The following CCDC171 variants were observed in gnomAD, a reference collection of about 807,000 sequenced individuals.
CCDC171 encodes coiled-coil domain-containing protein 171.
CCDC171 carries 177 observed loss-of-function variants against 168.2 expected under a neutral mutation model. The ratio of observed to expected loss-of-function variants is 1.05; its 90% CI spans 0.93 to 1.19. The LOEUF is 1.19. Among genes scored for constraint, CCDC171 ranks in the 50% most tolerant of loss-of-function variants. The probability of loss-of-function intolerance (pLI) is 0.00; values close to 1 mark genes in which losing one functional copy is unlikely to be tolerated. For synonymous variants in CCDC171, 687 were observed against 540.8 expected, an observed-to-expected ratio of 1.27 and a Z score of -3.75; for missense variants, 1,991 against 1,539.0, an observed-to-expected ratio of 1.29 and a Z score of -4.91.
chr9:15,956,310 G>A (rs553154818), intron 25 of CCDC171, among the ~76,000 whole-genome samples: 49 of 152,230 alleles, frequency 3.2e-4, no homozygotes, highest in African/African-American at 1.1e-3. Flanking sequence ...GATGATGGAG[G>A]CTAGGATTCC....
chr9:16,071,795 T>C, the CCDC171 span, among the ~76,000 whole-genome samples: 4 of 152,154 alleles, frequency 2.6e-5, no homozygotes, highest in African/African-American at 7.2e-5. Flanking sequence ...TTTTGCTTCA[T>C]CCACTGCCAT....
intron 3 of CCDC171, among the ~76,000 whole-genome samples, chr9:16,014,378 T>C (rs1412699488): frequency 6.6e-6 from 1 of 152,222 alleles, no homozygotes; most frequent in East Asian, 1.9e-4. Flanking sequence ...ACTTCCTCAG[T>C]TGAAGTCTTG....
At chr9:15,802,725 C>T (rs1390064708) in intron 21 of CCDC171, among the ~76,000 whole-genome samples, 2 of 152,142 alleles carry the variant, frequency 1.3e-5, no homozygotes, top group East Asian at 3.8e-4. Flanking sequence ...CATATGCATG[C>T]ATGTGCCTTT....
chr9:15,627,773 G>C (rs920958395), intron 7 of CCDC171, among the ~76,000 whole-genome samples: 2 of 152,190 alleles, frequency 1.3e-5, no homozygotes, highest in Non-Finnish European at 2.9e-5. Flanking sequence ...GTGATGTGGT[G>C]CTGAGAAGAA....
Position 16,024,687 on chromosome 9 carries a change from T to C in CCDC171, n.998+1779T>C, listed in dbSNP as rs527495895. Among the ~76,000 whole-genome samples, 4 of 152,280 alleles carry C rather than the reference T, an allele frequency of 2.6e-5. No homozygotes were observed. In the South Asian group the frequency reaches 6.2e-4, roughly 24 times the overall value. On this transcript the variant is annotated intron_variant and non_coding_transcript_variant, in intron 6 of 9. Coordinates refer to the CCDC171 transcript ENST00000486641. Reference sequence around the variant, plus strand: ...TTTATTCTGGAAACCAGAGCACATATCAAGAGGTGGCATCATTTCAGGAAT... The same window carrying C: ...TTTATTCTGGAAACCAGAGCACATACCAAGAGGTGGCATCATTTCAGGAAT...
intron 24 of CCDC171, among the ~76,000 whole-genome samples, chr9:15,902,340 T>C (rs578056734): frequency 1.5e-4 from 23 of 151,994 alleles, no homozygotes; most frequent in Admixed American, 1.3e-3. Flanking sequence ...CAGTGTCTTT[T>C]GAACTTTTGT....
At chr9:15,599,017 C>T (rs1376812258) in intron 6 of CCDC171, among the ~76,000 whole-genome samples, 5 of 152,120 alleles carry the variant, frequency 3.3e-5, no homozygotes, top group East Asian at 1.9e-4. Flanking sequence ...CTTCCTCCAT[C>T]GCTTTATTTT....
chr9:15,915,627 C>T (rs1318416658), intron 24 of CCDC171, among the ~76,000 whole-genome samples: 1 of 152,112 alleles, frequency 6.6e-6, no homozygotes, highest in Admixed American at 6.6e-5. Flanking sequence ...TGCCTGATTG[C>T]TTTGTCAAGG....
Position 15,945,338 on chromosome 9 carries a change from A to G in CCDC171, c.3753+24916A>G, listed in dbSNP as rs1050626122. 7.9e-4 allele frequency among the ~76,000 whole-genome samples: 115 copies of G among 145,726 alleles called. 2 individuals are homozygous for G. Among genetic ancestry groups the G allele is most frequent in the African/African-American group, 2.8e-3 (113 of 41,034 alleles). On this transcript the variant is annotated intron_variant, in intron 25 of 25. Coordinates refer to ENST00000380701, the MANE Select transcript of CCDC171 (RefSeq NM_173550.4). ...TATTGTGAATAATGCCGCAATAAAC[A>G]TAGGTGTGCATGTGTCTTTATAGCA...
At chr9:15,623,454 C>G (rs570821981) in intron 7 of CCDC171, 41 bp downstream of exon 7, 11 of 1,381,884 alleles carry the variant, frequency 8.0e-6, no homozygotes, top group Admixed American at 5.7e-5. Flanking sequence ...TGCGTACAAA[C>G]TTTCACATAT....
intron 24 of CCDC171, among the ~76,000 whole-genome samples, chr9:15,886,998 G>A (rs560444426): frequency 6.6e-6 from 1 of 152,008 alleles, no homozygotes; most frequent in Non-Finnish European, 1.5e-5. Context: ...GGAGATAATT[G>A]GTCAAAGGGT....
At chr9:15,658,246 G>A (rs563802323) in intron 8 of CCDC171, among the ~76,000 whole-genome samples, 1 of 152,178 alleles carries the variant, frequency 6.6e-6, no homozygotes, top group Non-Finnish European at 1.5e-5. Context: ...GTCCTTTTTC[G>A]TGCTAAGAAA....
chr9:15,609,793 A>G (rs1378627023), intron 6 of CCDC171, among the ~76,000 whole-genome samples: 2 of 152,046 alleles, frequency 1.3e-5, no homozygotes, highest in African/African-American at 4.8e-5. Flanking sequence ...AATATTTTTT[A>G]GGGGTGAGGG....
At chr9:15,943,390 T>A (rs540600732) in intron 25 of CCDC171, among the ~76,000 whole-genome samples, 20 of 152,036 alleles carry the variant, frequency 1.3e-4, no homozygotes, top group Non-Finnish European at 2.6e-4. Flanking sequence ...TGCTTGCTTT[T>A]ATTTCTGCAA....
At chr9:16,014,243 G>A (rs1002047399) in intron 3 of CCDC171, among the ~76,000 whole-genome samples, 2 of 152,126 alleles carry the variant, frequency 1.3e-5, no homozygotes, top group East Asian at 1.9e-4. Context: ...ACCATTCTTC[G>A]CTCATCCATA....
intron 7 of CCDC171, among the ~76,000 whole-genome samples, chr9:15,643,205 C>T (rs1408703915): frequency 6.6e-6 from 1 of 151,988 alleles, no homozygotes; most frequent in Non-Finnish European, 1.5e-5. Flanking sequence ...TGGGCTATTT[C>T]CTTGTGACTG....
chr9:15,894,611 A>C (rs1589028499), intron 24 of CCDC171, among the ~76,000 whole-genome samples: 1 of 151,896 alleles, frequency 6.6e-6, no homozygotes, highest in East Asian at 1.9e-4. Context: ...TCATTCACTG[A>C]ACTATAGTGA....
chr9:16,040,176 C>T (rs115695573), upstream of CCDC171, among the ~76,000 whole-genome samples: 2 of 152,188 alleles, frequency 1.3e-5, no homozygotes, highest in Admixed American at 6.5e-5. Context: ...CCTAGCCAGA[C>T]GCATACTCCA....
intron 25 of CCDC171, among the ~76,000 whole-genome samples, chr9:15,945,250 G>A (rs1828211926): frequency 6.7e-6 from 1 of 149,638 alleles, no homozygotes; most frequent in Admixed American, 6.7e-5. Flanking sequence ...TGGTGTATAT[G>A]TGCCACATTT....
Sources: allele counts gnomAD v4.1 joint callset (sites outside exome capture counted in the v4.1 genomes callset), GRCh38; gene constraint gnomAD v4.1.1; transcripts MANE v1.5; gene names NCBI Gene and HGNC (gene_info 2026-07-23, HGNC 2026-07-21).